Variants in ACOT8 observed in about 807,000 individuals in gnomAD.
ACOT8 encodes the protein acyl-coenzyme A thioesterase 8.
A neutral mutation model predicts 38.4 loss-of-function variants in ACOT8; 31 were observed. The ratio of observed to expected loss-of-function variants is 0.81; its 90% CI spans 0.61 to 1.09. ACOT8 has a LOEUF of 1.09. Ranked by LOEUF, ACOT8 falls within the 50% of genes least tolerant of loss-of-function variation. The pLI is 0.00. For synonymous variants in ACOT8, 158 were observed against 170.3 expected, an observed-to-expected ratio of 0.93 and a Z score of 0.56; for missense variants, 373 against 421.8, an observed-to-expected ratio of 0.88 and a Z score of 1.01.
chr20:45,850,841 G>A (rs1203857280), intron 2 of ACOT8, among the ~76,000 whole-genome samples: 1 of 152,168 alleles, frequency 6.6e-6, no homozygotes, highest in Non-Finnish European at 1.5e-5. Flanking sequence ...CAGCCTAGGT[G>A]ACAGAGCAAG....
At position 45,843,541 on chromosome 20, in the gene ACOT8, T is replaced by C. The variant is rs1430575433; in HGVS notation, c.827A>G (p.Glu276Gly). Reference sequence around the variant, plus strand: ...CCCACACTCACCGGCCCAGGGGCTCTCGCATTCATAGAGCATCCAGTGGTC... The same window carrying C: ...CCCACACTCACCGGCCCAGGGGCTCCCGCATTCATAGAGCATCCAGTGGTC... ...RADHWMLYEC[E>G]SPWAGGSRGL... Residue 276 changes from glutamate to glycine, a missense_variant, in exon 5 of 6, where the codon GAG becomes GGG. Glu to Gly is a moderately conservative substitution (Grantham distance 98). Coordinates refer to ENST00000217455, the MANE Select transcript of ACOT8 (RefSeq NM_005469.4). 1.2e-6 allele frequency: 2 copies of C among 1,609,464 alleles called. No individual in the cohort carries two copies. Among genetic ancestry groups the C allele is most frequent in the Non-Finnish European group, 1.7e-6 (2 of 1,176,552 alleles).
intron 3 of ACOT8, 110 bp from the exon 4 acceptor site, chr20:45,844,530 C>A (rs893199376): frequency 1.6e-6 from 2 of 1,266,460 alleles, no homozygotes; most frequent in Non-Finnish European, 2.2e-6. Context: ...CTGATATCCC[C>A]AAAGCTCCCC....
chr20:45,857,098 T>C, intron 1 of ACOT8, 90 bp downstream of exon 1: 1 of 1,477,062 alleles, frequency 6.8e-7, no homozygotes, highest in Non-Finnish European at 9.2e-7. Context: ...AGAGCCATAC[T>C]AGTCCCGGAG....
chr20:45,850,603 T>C (rs1011872678), intron 2 of ACOT8, among the ~76,000 whole-genome samples: 2 of 152,206 alleles, frequency 1.3e-5, no homozygotes, highest in Non-Finnish European at 2.9e-5. Flanking sequence ...CCCTGATGTA[T>C]ATGGAAGCCA....
Position 45,843,703 on chromosome 20 carries a change from A to G in ACOT8, c.665T>C (p.Met222Thr), listed in dbSNP as rs1388314696. Residue 222 changes from methionine to threonine, a missense_variant, in exon 5 of 6, where the codon ATG (methionine) becomes ACG (threonine). Physicochemically the swap from Met to Thr is moderately conservative, Grantham distance 81. Transcript: ENST00000217455. ...RGYIGEGDMK[M>T]HCCVAAYISD... ...GATATAGGCGGCCACGCAGCAGTGC[A>G]TCTTCATGTCGCCCTCGCCTGCAAC... 2.5e-6 allele frequency: 4 copies of G among 1,607,510 alleles called. No homozygotes were observed. Among genetic ancestry groups the G allele is most frequent in the Non-Finnish European group, 3.4e-6 (4 of 1,174,692 alleles).
Position 45,852,143 on chromosome 20 carries a change from C to T in ACOT8, c.262+3016G>A, listed in dbSNP as rs116390343. Among the ~76,000 whole-genome samples, 792 of 151,872 alleles carry T rather than the reference C, an allele frequency of 5.2e-3. 8 individuals carry two copies. The highest frequency in any genetic ancestry group is 0.018 in the African/African-American group (741 of 41,406). ...TCAGCCTCCCGAGTAGCTGGGATCA[C>T]GGGCTAAGGTCACCACGCCCAGCTA... is the stretch of plus-strand genomic sequence containing the variant. On this transcript the variant is annotated intron_variant, in intron 2 of 5. Transcript: ENST00000217455.
In ACOT8 at chr20:45,857,229, C is replaced by A. The variant is rs1465082238; in HGVS notation, c.87G>T (p.Thr29=). 2 of 1,613,702 alleles carry A rather than the reference C, an allele frequency of 1.2e-6. No individual in the cohort carries two copies. Among genetic ancestry groups the A allele is most frequent in the Non-Finnish European group, 1.7e-6 (2 of 1,179,990 alleles). Residue 29 remains threonine (T), a synonymous_variant, in exon 1 of 6, where the codon ACG becomes ACT. Coordinates refer to ENST00000217455, the MANE Select transcript of ACOT8 (RefSeq NM_005469.4). ...CCAGCGGCTCGAGGTTGAGCACGGTCGTGACCAAGACGCTACGGAGGTCCC... is the reference window on the plus strand; with the variant it reads ...CCAGCGGCTCGAGGTTGAGCACGGTAGTGACCAAGACGCTACGGAGGTCCC... ...PPGDLRSVLV[T]TVLNLEPLDE... is the part of the protein sequence containing the mutation.
chr20:45,843,048 T>C, intron 5 of ACOT8: 1 of 1,150,422 alleles, frequency 8.7e-7, no homozygotes, highest in Non-Finnish European at 1.1e-6. Flanking sequence ...CAGAATCACT[T>C]AGAGAACTTA....
chr20:45,852,079 C>T (rs561915896), intron 2 of ACOT8, among the ~76,000 whole-genome samples: 2 of 152,132 alleles, frequency 1.3e-5, no homozygotes, highest in Non-Finnish European at 2.9e-5. Context: ...GACCTCCAGC[C>T]GCCGGGTTCA....
At chr20:45,846,908 T>C (rs1420288714) in intron 3 of ACOT8, among the ~76,000 whole-genome samples, 1 of 152,188 alleles carries the variant, frequency 6.6e-6, no homozygotes, top group Non-Finnish European at 1.5e-5. Context: ...ACATATGTTT[T>C]ATATACATAA....
Position 45,843,681 on chromosome 20 carries a change from AT to A in ACOT8, c.686del (p.Tyr229LeufsTer70). The A allele has an allele frequency of 6.2e-7, 1 of 1,611,950 alleles. No individual in the cohort carries two copies. The highest frequency in any genetic ancestry group is 8.5e-7 in the Non-Finnish European group (1 of 1,178,288). ...TGCCCAAGAAGGCATAGTCGGAGAT[AT>A]AGGCGGCCACGCAGCAGTGCATCTT... ...DMKMHCCVAA[Y>X]ISDYAFLGTA... On this transcript the variant is annotated frameshift_variant, in exon 5 of 6. Transcript: ENST00000217455. LOFTEE classifies it high-confidence loss of function.
chr20:45,847,270 T>C (rs1329265431), intron 3 of ACOT8, among the ~76,000 whole-genome samples: 1 of 151,934 alleles, frequency 6.6e-6, no homozygotes, highest in East Asian at 1.9e-4. Flanking sequence ...ACATAGGCCA[T>C]AGCGCTGCAG....
intron 1 of ACOT8, among the ~76,000 whole-genome samples, chr20:45,856,635 G>A (rs1985459494): frequency 6.6e-6 from 1 of 152,056 alleles, no homozygotes; most frequent in African/African-American, 2.4e-5. Flanking sequence ...AGCCGAGATC[G>A]CACCACTGCA....
intron 1 of ACOT8, 53 bp downstream of exon 1, chr20:45,857,135 A>G (rs1985506947): frequency 1.3e-6 from 2 of 1,572,556 alleles, no homozygotes; most frequent in East Asian, 4.6e-5. Context: ...GCGGCAGTCA[A>G]GATCAAGTTT....
intron 1 of ACOT8, 114 bp from the exon 2 acceptor site, chr20:45,855,406 G>A (rs189602584): frequency 1.4e-6 from 2 of 1,384,370 alleles, no homozygotes; most frequent in East Asian, 4.7e-5. Flanking sequence ...AGATCCTTTT[G>A]AGAATATGGT....
At chr20:45,853,718 C>A (rs2145775385) in intron 2 of ACOT8, 1 of 278,942 alleles carries the variant, frequency 3.6e-6, no homozygotes, top group African/African-American at 2.2e-5. Flanking sequence ...AAGATAAGAA[C>A]CTGGCTGAGC....
At chr20:45,853,829 G>T in intron 2 of ACOT8, 2 of 953,216 alleles carry the variant, frequency 2.1e-6, no homozygotes, top group Non-Finnish European at 3.0e-6. Flanking sequence ...ACACGGGACA[G>T]TATGAAAAAG....
chr20:45,842,995 G>T, intron 5 of ACOT8: 1 of 1,058,322 alleles, frequency 9.4e-7, no homozygotes, highest in African/African-American at 1.7e-5. Flanking sequence ...GTCCAAGCAG[G>T]CCCTTAGGGA....
chr20:45,856,137 G>A (rs1985408697), intron 1 of ACOT8, among the ~76,000 whole-genome samples: 1 of 152,126 alleles, frequency 6.6e-6, no homozygotes, highest in Non-Finnish European at 1.5e-5. Flanking sequence ...GGTGGCAAGC[G>A]CTTATGGTCC....
Sources: gnomAD v4.1 joint callset for allele counts (sites outside exome capture counted in the v4.1 genomes callset) on GRCh38, gnomAD v4.1.1 for gene constraint, MANE v1.5 for transcripts, NCBI Gene and HGNC (gene_info 2026-07-23, HGNC 2026-07-21) for gene names.